Variants in EFHC2 observed in about 807,000 individuals in gnomAD.
EFHC2 encodes EF-hand domain-containing family member C2.
EFHC2 carries 18 observed loss-of-function variants against 52.7 expected under a neutral mutation model. That is an observed-to-expected ratio of 0.34 (90% CI 0.24 to 0.51). The LOEUF is 0.51. EFHC2 is among the 20% of genes least tolerant of loss of function. EFHC2 has a pLI of 0.97. For synonymous variants in EFHC2, 203 were observed against 204.1 expected, an observed-to-expected ratio of 0.99 and a Z score of 0.04; for missense variants, 513 against 562.5, an observed-to-expected ratio of 0.91 and a Z score of 0.89.
At chrX:44,334,142 C>T (rs2038103729) in intron 1 of EFHC2, among the ~76,000 whole-genome samples, 1 of 111,840 alleles carries the variant, frequency 8.9e-6, no homozygotes, top group Admixed American at 9.5e-5. Context: ...CAAATGTACC[C>T]TAGGTGACAG....
intron 13 of EFHC2, among the ~76,000 whole-genome samples, chrX:44,173,484 T>C (rs2036761252): frequency 9.0e-6 from 1 of 111,708 alleles, no homozygotes; most frequent in Non-Finnish European, 1.9e-5. Flanking sequence ...AGGGCAGTCT[T>C]TGAAAGGAAT....
chrX:44,315,407 C>T (rs1035871019), intron 1 of EFHC2, among the ~76,000 whole-genome samples: 6 of 111,292 alleles, frequency 5.4e-5, no homozygotes, highest in African/African-American at 9.8e-5. Flanking sequence ...CATTTTTGAC[C>T]GCTTACTATG....
chrX:44,266,061 A>G (rs1054888597), intron 3 of EFHC2, among the ~76,000 whole-genome samples: 1 of 111,667 alleles, frequency 9.0e-6, no homozygotes, highest in Non-Finnish European at 1.9e-5. Context: ...TCCCTATTCA[A>G]TCTATGATCT....
At chrX:44,163,440 C>T (rs1343095553) in intron 14 of EFHC2, among the ~76,000 whole-genome samples, 1 of 111,552 alleles carries the variant, frequency 9.0e-6, no homozygotes, top group African/African-American at 3.3e-5. Flanking sequence ...AAGCATTTTT[C>T]TACAGAATTT....
At chrX:44,280,726 A>G (rs948014221) in intron 2 of EFHC2, among the ~76,000 whole-genome samples, 1 of 112,138 alleles carries the variant, frequency 8.9e-6, no homozygotes, top group Admixed American at 9.5e-5. Context: ...AAGTATGTTC[A>G]TAATACAAAA....
At chrX:44,219,003 C>A (rs2147311217) in intron 11 of EFHC2, among the ~76,000 whole-genome samples, 1 of 110,481 alleles carries the variant, frequency 9.1e-6, no homozygotes, top group African/African-American at 3.3e-5. Context: ...GAATGCTACT[C>A]AGTAATATAA....
chrX:44,229,795 G>A lies in EFHC2; in HGVS notation c.1621-16C>T. On this transcript the variant is annotated splice_polypyrimidine_tract_variant and intron_variant, in intron 10 of 14. Transcript: ENST00000420999. Reference sequence around the variant, plus strand: ...TGAAAGGATACTGTAAGGGGGAAATGAAAGGAAAAACATATTTAAATATTC... The same window carrying A: ...TGAAAGGATACTGTAAGGGGGAAATAAAAGGAAAAACATATTTAAATATTC... 8.3e-7 allele frequency: 1 copy of A among 1,198,216 alleles called. No homozygotes were observed.
chrX:44,343,463 T>A (rs1288441640), intron 1 of EFHC2, 84 bp downstream of exon 1: 42 of 1,115,749 alleles, frequency 3.8e-5, no homozygotes, highest in Middle Eastern at 2.7e-4. Context: ...TCCAGGAGAG[T>A]CTGCGGAGGT....
chrX:44,283,252 A>G (rs904214038), intron 2 of EFHC2, among the ~76,000 whole-genome samples: 15 of 111,515 alleles, frequency 1.3e-4, no homozygotes, highest in Admixed American at 6.6e-4. Flanking sequence ...GTACGATCTC[A>G]GCTCACTGCA....
rs184072303 is a variant in EFHC2 at position 44,198,531 on chromosome X, A to G, written c.1752-19967T>C. 2.3e-3 allele frequency among the ~76,000 whole-genome samples: 256 copies of G among 111,382 alleles called. 2 individuals are homozygous for G. The highest frequency in any genetic ancestry group is 8.1e-3 in the African/African-American group (248 of 30,613). On this transcript the variant is annotated intron_variant, in intron 11 of 14. Coordinates refer to ENST00000420999, the MANE Select transcript of EFHC2 (RefSeq NM_025184.4). ...GAGAGTCTTATGGCATGGGAGAGAG[A>G]TTGTGCATGGCAAAATGGTAGACTA...
chrX:44,276,474 C>A (rs994470998), intron 2 of EFHC2, among the ~76,000 whole-genome samples: 6 of 111,950 alleles, frequency 5.4e-5, no homozygotes, highest in African/African-American at 1.9e-4. Context: ...AATCAATTAG[C>A]TTTAAATAAC....
intron 11 of EFHC2, among the ~76,000 whole-genome samples, chrX:44,226,286 A>G (rs186058383): frequency 4.0e-4 from 45 of 111,670 alleles, no homozygotes; most frequent in African/African-American, 1.4e-3. Context: ...CCAAGTAAAC[A>G]GTGATGAAAA....
chrX:44,232,772 C>A, intron 9 of EFHC2, 95 bp from the exon 10 acceptor site: 1 of 783,487 alleles, frequency 1.3e-6, no homozygotes, highest in Non-Finnish European at 1.8e-6. Flanking sequence ...CACAGACCAC[C>A]ATATAAGTTA....
At chrX:44,239,622 T>C (rs1209428033) in intron 8 of EFHC2, among the ~76,000 whole-genome samples, 1 of 112,351 alleles carries the variant, frequency 8.9e-6, no homozygotes. Flanking sequence ...ATGGCCTCTC[T>C]GAGCCTCAGT....
intron 4 of EFHC2, among the ~76,000 whole-genome samples, chrX:44,257,019 A>G (rs188044349): frequency 1.5e-3 from 167 of 111,825 alleles, no homozygotes; most frequent in African/African-American, 5.1e-3. Context: ...AATGTAACCC[A>G]TCATATAAAC....
In EFHC2 at chrX:44,229,756, A is replaced by G. The variant is rs1180978243; in HGVS notation, c.1644T>C (p.Leu548=). 8.3e-7 allele frequency: 1 copy of G among 1,207,644 alleles called. No individual in the cohort carries two copies. Among genetic ancestry groups the G allele is most frequent in the Non-Finnish European group, 1.1e-6 (1 of 894,135 alleles). Residue 548 remains leucine, a synonymous_variant, in exon 11 of 15, where the codon CTT becomes CTC. Transcript: ENST00000420999. ...CTTCTTGCTTCAGCTTTTGTAGGGC[A>G]AGTTTGAGGTTACTGAAAGGATACT... ...TDKYPFSNLK[L]ALQKLKQEEG...
intron 4 of EFHC2, among the ~76,000 whole-genome samples, chrX:44,251,339 C>T (rs1189115034): frequency 9.7e-6 from 1 of 102,740 alleles, no homozygotes; most frequent in Non-Finnish European, 2.0e-5. Context: ...TCTGGCCAGG[C>T]GGGGTGGCTC....
chrX:44,273,703 G>A (rs1314085147), intron 2 of EFHC2, among the ~76,000 whole-genome samples: 1 of 111,692 alleles, frequency 9.0e-6, no homozygotes, highest in African/African-American at 3.3e-5. Context: ...CACTGAGCAC[G>A]ACAAGGTAAT....
chrX:44,260,893 A>T (rs955527247), intron 4 of EFHC2, among the ~76,000 whole-genome samples, 182 bp downstream of exon 4: 1 of 112,069 alleles, frequency 8.9e-6, no homozygotes, highest in Non-Finnish European at 1.9e-5. Context: ...GCAGTGAGGA[A>T]GTCATTCTTG....
Sources: gnomAD v4.1 joint callset for allele counts (sites outside exome capture counted in the v4.1 genomes callset) on GRCh38, gnomAD v4.1.1 for gene constraint, MANE v1.5 for transcripts, NCBI Gene and HGNC (gene_info 2026-07-23, HGNC 2026-07-21) for gene names.